Variants in SPTSSA observed in about 807,000 individuals in gnomAD.
The protein encoded by SPTSSA is small subunit of serine palmitoyltransferase A.
SPTSSA carries 8 observed loss-of-function variants against 9.1 expected under a neutral mutation model. The ratio of observed to expected loss-of-function variants is 0.88; its 90% CI spans 0.51 to 1.58. SPTSSA has a LOEUF of 1.58. Among genes scored for constraint, SPTSSA ranks in the 40% most tolerant of loss-of-function variants. SPTSSA has a pLI of 0.00. For synonymous variants in SPTSSA, 42 were observed against 37.7 expected (o/e 1.11, Z -0.41); for missense variants, 100 against 93.8 (o/e 1.07, Z -0.27).
chr14:34,455,660 G>A (rs529583670), intron 1 of SPTSSA, among the ~76,000 whole-genome samples: 50 of 152,114 alleles, frequency 3.3e-4, no homozygotes, highest in Admixed American at 1.3e-4. Flanking sequence ...GGCCAGGCGC[G>A]GTGGCTCACA....
chr14:34,435,623 CTTTTTTTTTTTT>C (rs769896697), intron 1 of SPTSSA, among the ~76,000 whole-genome samples: 1 of 92,470 alleles, frequency 1.1e-5, no homozygotes, highest in Non-Finnish European at 2.0e-5. Context: ...GTTTGTTTCT[CTTTTTTTTTTTT>C]TTTTTTTTTT....
intron 1 of SPTSSA, among the ~76,000 whole-genome samples, chr14:34,439,841 C>G (rs1883291592): frequency 6.6e-6 from 1 of 152,214 alleles, no homozygotes; most frequent in Non-Finnish European, 1.5e-5. Context: ...CTCCAAGTAT[C>G]TGTGTTCTTA....
chr14:34,440,957 A>AT (rs1176259025), intron 1 of SPTSSA, among the ~76,000 whole-genome samples: 2 of 151,934 alleles, frequency 1.3e-5, no homozygotes, highest in South Asian at 2.1e-4. Flanking sequence ...AAGCTTTTAA[A>AT]TTTTTTACAT....
chr14:34,460,583 G>A (rs1442919604), intron 1 of SPTSSA, among the ~76,000 whole-genome samples: 1 of 152,082 alleles, frequency 6.6e-6, no homozygotes. Context: ...GATTTTAGGT[G>A]TCAAATCTAT....
intron 1 of SPTSSA, among the ~76,000 whole-genome samples, chr14:34,446,885 T>C (rs908763603): frequency 3.3e-5 from 5 of 152,232 alleles, no homozygotes; most frequent in Admixed American, 1.3e-4. Flanking sequence ...GAGAAATACA[T>C]AGAATGCAGG....
At chr14:34,455,515 C>T (rs1448196354) in intron 1 of SPTSSA, among the ~76,000 whole-genome samples, 1 of 152,166 alleles carries the variant, frequency 6.6e-6, no homozygotes, top group African/African-American at 2.4e-5. Context: ...ACTGTGTCAC[C>T]AACTACCTTT....
rs1409327036 is a variant in SPTSSA, at chr14:34,434,103, C to T, written c.*1098G>A. On this transcript the variant is annotated 3_prime_UTR_variant, in exon 2 of 2. Transcript: ENST00000298130. ...TGGTCCTCCACAGAAAATAATTCAGCAATATAAATACTAGATCAATATTTA... is the reference window on the plus strand; with the variant it reads ...TGGTCCTCCACAGAAAATAATTCAGTAATATAAATACTAGATCAATATTTA... 6.6e-6 allele frequency: 1 copy of T among 151,462 alleles called. No individual in the cohort carries two copies. The highest frequency in any genetic ancestry group is 2.4e-5 in the African/African-American group (1 of 41,124). The allele number at this position is 151,462 out of a possible 1,614,324, so 9.4% of individuals were successfully genotyped here.
chr14:34,462,222 G>C lies in SPTSSA; in HGVS notation c.-15C>G. ...ATCCCCGCCATGCGCCTCCCGCGAT[G>C]CAGCTCACACGTCAGTCTGTCCGGC... On this transcript the variant is annotated 5_prime_UTR_variant, in exon 1 of 2. Transcript: ENST00000298130. The C allele has an allele frequency of 6.6e-7, 1 of 1,510,628 alleles. No individual in the cohort carries two copies. Among genetic ancestry groups the C allele is most frequent in the Non-Finnish European group, 8.9e-7 (1 of 1,119,404 alleles). 93.6% of individuals were successfully genotyped at this position (1,510,628 alleles called of 1,614,324 possible).
chr14:34,461,016 T>G (rs1282752902), intron 1 of SPTSSA, among the ~76,000 whole-genome samples: 1 of 152,164 alleles, frequency 6.6e-6, no homozygotes, highest in Non-Finnish European at 1.5e-5. Flanking sequence ...ATAAACACAC[T>G]TGATAAGGCT....
rs545146472 is a variant in SPTSSA, at chr14:34,439,287, C to A, written c.113-3983G>T. On this transcript the variant is annotated intron_variant, in intron 1 of 1. Coordinates refer to ENST00000298130, the MANE Select transcript of SPTSSA (RefSeq NM_138288.4). ...AGGACAATACTCTAGAGAAAGGGGG[C>A]GCTATAGGTCATTAGCAGCCAACAC... Among the ~76,000 whole-genome samples, 18 of 152,118 alleles carry A rather than the reference C, an allele frequency of 1.2e-4. No individual in the cohort carries two copies. The South Asian group carries it at 1.5e-3, about 12-fold the overall frequency.
chr14:34,455,121 C>T (rs1034044364), intron 1 of SPTSSA, among the ~76,000 whole-genome samples: 1 of 151,676 alleles, frequency 6.6e-6, no homozygotes, highest in Admixed American at 6.6e-5. Flanking sequence ...GGCTAGGTGG[C>T]TCACACCTGT....
Position 34,433,658 on chromosome 14 carries a change from T to C in SPTSSA, c.*1543A>G, listed in dbSNP as rs1231882785. ...CTTCAAAAGTCTAGTCCTTAAAACG[T>C]AGGGCAAAAAATACCTCAATTTTGG... On this transcript the variant is annotated 3_prime_UTR_variant, in exon 2 of 2. Coordinates refer to ENST00000298130, the MANE Select transcript of SPTSSA (RefSeq NM_138288.4). 6.6e-6 allele frequency: 1 copy of C among 152,012 alleles called. No homozygotes were observed. Among genetic ancestry groups the C allele is most frequent in the Non-Finnish European group, 1.5e-5 (1 of 67,988 alleles). The allele number at this position is 152,012 out of a possible 1,614,324, so 9.4% of individuals were successfully genotyped here.
At chr14:34,438,079 A>G (rs1415949298) in intron 1 of SPTSSA, among the ~76,000 whole-genome samples, 2 of 152,120 alleles carry the variant, frequency 1.3e-5, no homozygotes, top group Non-Finnish European at 2.9e-5. Flanking sequence ...CTGAGATTAC[A>G]GGTGTGAGCC....
intron 1 of SPTSSA, among the ~76,000 whole-genome samples, chr14:34,443,195 GGGGGTGTGTGT>G (rs1566422877): frequency 1.0e-4 from 1 of 9,538 alleles, no homozygotes; most frequent in South Asian, 3.6e-3. Flanking sequence ...TTTTCCTCTA[GGGGGTGTGTGT>G]GTGTGTGTGT....
rs8004013 is a variant in SPTSSA, at chr14:34,447,662, T to A, written c.113-12358A>T. Among the ~76,000 whole-genome samples, 554 of 152,304 alleles carry A rather than the reference T, an allele frequency of 3.6e-3. 4 individuals carry two copies. The highest frequency in any genetic ancestry group is 0.011 in the African/African-American group (455 of 41,574). ...TTTTCAACAAAATTCTGGAAGCCCA[T>A]TGTTTTGGACTAAGTTCATGCACTG... On this transcript the variant is annotated intron_variant, in intron 1 of 1. Coordinates refer to ENST00000298130, the MANE Select transcript of SPTSSA (RefSeq NM_138288.4).
intron 1 of SPTSSA, 60 bp downstream of exon 1, chr14:34,462,036 T>A: frequency 8.8e-7 from 1 of 1,138,520 alleles, no homozygotes; most frequent in Non-Finnish European, 1.1e-6. Context: ...CCTGGGGAAA[T>A]GCGGCCCCGC....
intron 1 of SPTSSA, among the ~76,000 whole-genome samples, chr14:34,445,192 A>G (rs1047601588): frequency 6.6e-6 from 1 of 152,100 alleles, no homozygotes; most frequent in African/African-American, 2.4e-5. Context: ...GGTTATAATA[A>G]AAAGGTTTTT....
At chr14:34,451,804 T>C (rs1450209792) in intron 1 of SPTSSA, among the ~76,000 whole-genome samples, 1 of 152,018 alleles carries the variant, frequency 6.6e-6, no homozygotes, top group Non-Finnish European at 1.5e-5. Flanking sequence ...AGAAATCATC[T>C]TAATGAAAAA....
chr14:34,441,800 G>A (rs1023736058), intron 1 of SPTSSA, among the ~76,000 whole-genome samples: 12 of 151,956 alleles, frequency 7.9e-5, no homozygotes, highest in Admixed American at 2.6e-4. Flanking sequence ...AACCACCACC[G>A]CCCAGTTCGC....
Sources: allele counts gnomAD v4.1 joint callset (sites outside exome capture counted in the v4.1 genomes callset), GRCh38; gene constraint gnomAD v4.1.1; transcripts MANE v1.5; gene names NCBI Gene and HGNC (gene_info 2026-07-23, HGNC 2026-07-21).